ZNF521: variants seen among roughly 807,000 people sequenced by gnomAD.
ZNF521 encodes the protein LYST-interacting protein 3.
ZNF521 carries 14 observed loss-of-function variants against 105.5 expected under a neutral mutation model. The observed-to-expected ratio is 0.13, with a 90% CI of 0.09 to 0.21. The LOEUF is 0.21. ZNF521 is among the 10% of genes least tolerant of loss of function. The pLI is 1.00. For missense variants in ZNF521, 1,233 were observed against 1,629.7 expected (o/e 0.76, Z 4.19); for synonymous variants, 635 against 606.0 (o/e 1.05, Z -0.70).
intron 2 of ZNF521, among the ~76,000 whole-genome samples, chr18:25,347,093 T>G (rs992825973): frequency 4.6e-5 from 7 of 152,030 alleles, no homozygotes; most frequent in African/African-American, 1.7e-4. Flanking sequence ...GCAAGAAAAA[T>G]AGAAATAGGT....
At chr18:25,113,107 C>T (rs1043196079) in intron 5 of ZNF521, among the ~76,000 whole-genome samples, 3 of 151,492 alleles carry the variant, frequency 2.0e-5, no homozygotes, top group African/African-American at 4.9e-5. Context: ...GAGGCTGGAT[C>T]GCACTGGCAA....
At position 25,226,885 on chromosome 18, in the gene ZNF521, A is replaced by G. The variant is rs1006727797; in HGVS notation, c.1033T>C (p.Ser345Pro). Residue 345 changes from serine (S) to proline (P), a missense_variant, in exon 4 of 8, where the codon TCC becomes CCC. Ser to Pro is a moderately conservative substitution (Grantham distance 74). Coordinates refer to ENST00000361524, the MANE Select transcript of ZNF521 (RefSeq NM_015461.3). The surrounding 1 kb of genome is among the most constrained non-coding windows in gnomAD (Gnocchi z 4.1). ...PESCNHSNSPSLVTVGYTSVS... is the reference protein window; with the variant it reads ...PESCNHSNSPPLVTVGYTSVS... Reference sequence around the variant, plus strand: ...GAGGTATAGCCCACCGTGACCAGGGAAGGGCTGTTGCTGTGATTGCATGAC... The same window carrying G: ...GAGGTATAGCCCACCGTGACCAGGGGAGGGCTGTTGCTGTGATTGCATGAC... The G allele has an allele frequency of 6.2e-6, 10 of 1,613,356 alleles. No individual in the cohort carries two copies. Among genetic ancestry groups the G allele is most frequent in the Non-Finnish European group, 8.5e-6 (10 of 1,179,880 alleles).
intron 7 of ZNF521, among the ~76,000 whole-genome samples, chr18:25,064,667 G>C (rs900831313): frequency 3.9e-5 from 6 of 152,194 alleles, no homozygotes; most frequent in Non-Finnish European, 8.8e-5. Flanking sequence ...ACAGCAACTA[G>C]CAAACTGCCT....
intron 5 of ZNF521, among the ~76,000 whole-genome samples, chr18:25,150,890 TC>T (rs1263725917): frequency 2.9e-5 from 4 of 138,404 alleles, no homozygotes; most frequent in African/African-American, 1.0e-4. Flanking sequence ...TTTTCTTTTT[TC>T]TTTTTTTTTT....
chr18:25,163,995 G>A (rs1253063010), intron 5 of ZNF521, among the ~76,000 whole-genome samples: 3 of 152,164 alleles, frequency 2.0e-5, no homozygotes, highest in Non-Finnish European at 4.4e-5. Context: ...TAATGCCTGA[G>A]CAGCTGAAAT....
chr18:25,138,659 G>A lies in ZNF521; in HGVS notation c.3659-46578C>T, dbSNP rs2034782627. Among the ~76,000 whole-genome samples, 2 of 152,136 alleles carry A rather than the reference G, an allele frequency of 1.3e-5. 1 individual carries two copies. The highest frequency in any genetic ancestry group is 4.1e-4 in the South Asian group (2 of 4,828). The stretch of plus-strand genomic sequence containing the variant: ...TGATCAAAAAATAATAGTTGCAGGT[G>A]ACAGATCTTTCATACTTTTCAAATT... On this transcript the variant is annotated intron_variant, in intron 5 of 7. Coordinates refer to ENST00000361524, the MANE Select transcript of ZNF521 (RefSeq NM_015461.3).
chr18:25,109,077 A>G (rs955175858), intron 5 of ZNF521, among the ~76,000 whole-genome samples: 2 of 152,126 alleles, frequency 1.3e-5, no homozygotes, highest in Non-Finnish European at 2.9e-5. Flanking sequence ...TGAACACTGT[A>G]CTCAATAGGT....
chr18:25,115,388 G>T (rs562269575), intron 5 of ZNF521, among the ~76,000 whole-genome samples: 1 of 152,058 alleles, frequency 6.6e-6, no homozygotes, highest in Admixed American at 6.5e-5. Flanking sequence ...TCCCCATTGG[G>T]GGCTATTATT....
chr18:25,168,022 C>G (rs2035377819), intron 5 of ZNF521, among the ~76,000 whole-genome samples: 1 of 152,120 alleles, frequency 6.6e-6, no homozygotes, highest in African/African-American at 2.4e-5. Flanking sequence ...TTTTTTGGTG[C>G]TCAGAATAGC....
intron 3 of ZNF521, among the ~76,000 whole-genome samples, chr18:25,249,948 T>C (rs760157816): frequency 2.6e-5 from 4 of 152,170 alleles, no homozygotes; most frequent in Non-Finnish European, 5.9e-5. Flanking sequence ...TTTTCTTTTA[T>C]TTTGTTTTGA....
At position 25,224,724 on chromosome 18, in the gene ZNF521, T is replaced by C. The variant is rs576191621; in HGVS notation, c.3194A>G (p.Tyr1065Cys). 2.4e-5 allele frequency: 38 copies of C among 1,614,080 alleles called. No individual in the cohort carries two copies. The highest frequency in any genetic ancestry group is 1.6e-4 in the Middle Eastern group (1 of 6,062). ...TTCTTTGAGGCAAGATGCGCACTTA[T>C]ACAGTTTTTGGACGTGCTGGCCCCG... ...TGRGQHVQKLYKCASCLKEFR... is the reference protein window; with the variant it reads ...TGRGQHVQKLCKCASCLKEFR... The change falls in exon 4 of 8, where the codon TAT (tyrosine) becomes TGT (cysteine). Residue 1065 changes from tyrosine to cysteine, a missense_variant. By Grantham distance (194) the Tyr-to-Cys change is radical (BLOSUM62 -2). This residue lies in a region of ZNF521 where 614 missense variants were observed against 751.5 expected (regional missense o/e 0.82). Coordinates refer to ENST00000361524, the MANE Select transcript of ZNF521 (RefSeq NM_015461.3).
chr18:25,332,985 C>G (rs890653439), intron 2 of ZNF521, among the ~76,000 whole-genome samples: 2 of 151,864 alleles, frequency 1.3e-5, no homozygotes, highest in Non-Finnish European at 2.9e-5. Flanking sequence ...GTCTCAATCT[C>G]GACTTGTCAG....
intron 7 of ZNF521, among the ~76,000 whole-genome samples, chr18:25,063,289 T>C (rs2032959747): frequency 6.6e-6 from 1 of 152,156 alleles, no homozygotes; most frequent in Non-Finnish European, 1.5e-5. Flanking sequence ...GGGTATGAAA[T>C]GCAAGAGTTA....
chr18:25,317,563 C>G (rs1301323559), intron 3 of ZNF521, among the ~76,000 whole-genome samples: 1 of 152,192 alleles, frequency 6.6e-6, no homozygotes, highest in Non-Finnish European at 1.5e-5. Context: ...ACTGTCATGT[C>G]AGTCCAGTGG....
At chr18:25,300,800 T>C (rs1039442887) in intron 3 of ZNF521, among the ~76,000 whole-genome samples, 2 of 152,222 alleles carry the variant, frequency 1.3e-5, no homozygotes, top group Non-Finnish European at 2.9e-5. Context: ...GAAAATCTTT[T>C]CTGCTCCTCC....
In ZNF521 at chr18:25,288,335, T is replaced by C. The variant is rs184815420; in HGVS notation, c.220+33673A>G. 6.0e-4 allele frequency among the ~76,000 whole-genome samples: 92 copies of C among 152,312 alleles called. No homozygotes were observed. The East Asian group carries it at 0.011, about 18-fold the overall frequency. On this transcript the variant is annotated intron_variant, in intron 3 of 7. Coordinates refer to ENST00000361524, the MANE Select transcript of ZNF521 (RefSeq NM_015461.3). ...GATAAATGTATTACAAGCACCACTG[T>C]ACTACTGCAGAATATGACAGTAGTC... is the stretch of plus-strand genomic sequence containing the variant.
chr18:25,351,980 T>C, intron 1 of ZNF521, 25 bp downstream of exon 1: 1 of 415,274 alleles, frequency 2.4e-6, no homozygotes, highest in Admixed American at 2.4e-5. Flanking sequence ...AGGAGTGTGC[T>C]GTGTGCTCCC....
intron 3 of ZNF521, among the ~76,000 whole-genome samples, chr18:25,256,509 G>C (rs547194256): frequency 6.6e-6 from 1 of 152,246 alleles, no homozygotes; most frequent in South Asian, 2.1e-4. Context: ...ATTCCAAGGA[G>C]AGAGCAGTTA....
At chr18:25,077,857 A>G (rs2033400462) in intron 7 of ZNF521, among the ~76,000 whole-genome samples, 2 of 152,224 alleles carry the variant, frequency 1.3e-5, no homozygotes, top group Admixed American at 6.5e-5. Context: ...ATTAAAGGTT[A>G]GCAACCAATT....
Sources: allele counts gnomAD v4.1 joint callset (sites outside exome capture counted in the v4.1 genomes callset), GRCh38; gene constraint gnomAD v4.1.1; regional missense constraint gnomAD v4.1.1; non-coding constraint Gnocchi (gnomAD v3.1); transcripts MANE v1.5; gene names NCBI Gene and HGNC (gene_info 2026-07-23, HGNC 2026-07-21).